Variants in RBM39 observed in about 807,000 individuals in gnomAD.
RBM39 encodes RNA binding motif protein 39, also known as RNA-binding protein 39.
In RBM39, 12 loss-of-function variants were observed where a neutral mutation model predicts 79.6. That is an observed-to-expected ratio of 0.15 (90% confidence interval 0.10 to 0.24). The LOEUF is 0.24. Among genes scored for constraint, RBM39 ranks in the 10% least tolerant of loss-of-function variants. RBM39 has a pLI of 1.00. For missense variants in RBM39, 243 were observed against 653.4 expected, an observed-to-expected ratio of 0.37 and a Z score of 6.85; for synonymous variants, 185 against 208.4, an observed-to-expected ratio of 0.89 and a Z score of 0.97.
In RBM39 at chr20:35,702,122, C is replaced by T. The variant is rs1250067037; in HGVS notation, c.*2359G>A. 2.0e-5 allele frequency: 3 copies of T among 152,200 alleles called. No individual in the cohort carries two copies. Among genetic ancestry groups the T allele is most frequent in the African/African-American group, 4.8e-5 (2 of 41,440 alleles). The allele number at this position is 152,200 out of a possible 1,614,324, so 9.4% of individuals were successfully genotyped here. ...TTGTCCATCTCACCTGCCCAGGCCA[C>T]GCAGACCCTGGAGTTACTAACCCGC... On this transcript the variant is annotated 3_prime_UTR_variant, in exon 17 of 17. Transcript: ENST00000253363.
At position 35,704,798 on chromosome 20, in the gene RBM39, C is replaced by G. The variant is rs752966346; in HGVS notation, c.1414-52G>C. ...AAGATGTTGCTGTATGCAAAATGGACCCAAGTTATGTTTATTCAAGTTGCC... is the reference window on the plus strand; with the variant it reads ...AAGATGTTGCTGTATGCAAAATGGAGCCAAGTTATGTTTATTCAAGTTGCC... On this transcript the variant is annotated intron_variant, in intron 15 of 16. Coordinates refer to ENST00000253363, the MANE Select transcript of RBM39 (RefSeq NM_184234.3). The G allele has an allele frequency of 2.0e-6, 3 of 1,515,558 alleles. No homozygotes were observed. In the African/African-American group the frequency reaches 4.1e-5, roughly 21 times the overall value. 93.9% of individuals were successfully genotyped at this position (1,515,558 alleles called of 1,614,324 possible). A position where few individuals can be genotyped will look rare whatever the true frequency, so the allele number is the denominator to read the frequency against.
intron 2 of RBM39, chr20:35,739,441 C>A (rs1251449793): frequency 2.1e-6 from 1 of 471,416 alleles, no homozygotes; most frequent in South Asian, 1.5e-5. Context: ...TAGCAGCCAG[C>A]CACTATCGAT....
In RBM39 at chr20:35,704,758, A is replaced by T. The variant is rs371520741; in HGVS notation, c.1414-12T>A. 36 of 1,609,320 alleles carry T rather than the reference A, an allele frequency of 2.2e-5. No individual in the cohort carries two copies. In the South Asian group the frequency reaches 2.3e-4, roughly 10 times the overall value. On this transcript the variant is annotated splice_polypyrimidine_tract_variant and intron_variant, in intron 15 of 16. Coordinates refer to ENST00000253363, the MANE Select transcript of RBM39 (RefSeq NM_184234.3). Reference sequence around the variant, plus strand: ...ACATACACATTGCCCTACAGAAAAAATGAAAAAAAAGGTAAAGATGTTGCT... The same window carrying T: ...ACATACACATTGCCCTACAGAAAAATTGAAAAAAAAGGTAAAGATGTTGCT...
rs765974114 is a variant in RBM39, at chr20:35,712,435, C to CAA, written c.1174+582_1174+583dup. Among the ~76,000 whole-genome samples the CAA allele has an allele frequency of 7.9e-3, 260 of 32,770 alleles. 1 individual carries two copies. The highest frequency in any genetic ancestry group is 0.014 in the African/African-American group (128 of 9,398). The allele number at this position is 32,770 out of a possible 152,430, so 21.5% of individuals were successfully genotyped here. On this transcript the variant is annotated intron_variant, in intron 12 of 16. Transcript: ENST00000253363. ...GCAACAGAGCAAGTCTACTGTTATC[C>CAA]AAAAAAAAAAAAAAAAAAAAAAAAG...
chr20:35,739,316 G>A, intron 2 of RBM39: 1 of 461,340 alleles, frequency 2.2e-6, no homozygotes, highest in South Asian at 1.8e-5. Context: ...TGTTGAAGTG[G>A]TTAAATATAA....
intron 9 of RBM39, among the ~76,000 whole-genome samples, chr20:35,720,322 C>A (rs925301654): frequency 1.2e-4 from 18 of 152,162 alleles, no homozygotes; most frequent in African/African-American, 4.3e-4. Context: ...GACCACAATG[C>A]CAGACACAAG....
intron 8 of RBM39, among the ~76,000 whole-genome samples, chr20:35,723,932 T>C (rs1353791440): frequency 1.3e-5 from 2 of 152,116 alleles, no homozygotes; most frequent in African/African-American, 4.8e-5. Flanking sequence ...ACCTAGCTAC[T>C]CAGGAGACTG....
intron 4 of RBM39, 107 bp from the exon 5 acceptor site, chr20:35,729,634 C>T: frequency 2.0e-6 from 2 of 1,000,674 alleles, no homozygotes; most frequent in Non-Finnish European, 3.0e-6. Flanking sequence ...ACTGCTTTTC[C>T]ACCTCAGTTA....
chr20:35,720,681 G>T (rs1413492837), intron 9 of RBM39, among the ~76,000 whole-genome samples: 1 of 152,060 alleles, frequency 6.6e-6, no homozygotes, highest in Admixed American at 6.6e-5. Context: ...TAAAGCAAGA[G>T]AATCGCTTGA....
chr20:35,719,845 T>G (rs1045363258), intron 9 of RBM39, among the ~76,000 whole-genome samples: 3 of 151,970 alleles, frequency 2.0e-5, no homozygotes, highest in Non-Finnish European at 4.4e-5. Context: ...TATCCAGGCG[T>G]GATCTCGGCT....
chr20:35,709,440 T>A, intron 12 of RBM39, 166 bp from the exon 13 acceptor site: 1 of 565,410 alleles, frequency 1.8e-6, no homozygotes, highest in South Asian at 2.5e-5. Flanking sequence ...TTTGGGGCCT[T>A]TTTTCCCCCT....
In RBM39 at chr20:35,703,994, T is replaced by C. The variant is rs993440921; in HGVS notation, c.*487A>G. The C allele has an allele frequency of 1.3e-5, 2 of 153,070 alleles. No individual in the cohort carries two copies. The highest frequency in any genetic ancestry group is 3.4e-3 in the Middle Eastern group (1 of 294). 9.5% of individuals were successfully genotyped at this position (153,070 alleles called of 1,614,324 possible). A position where few individuals can be genotyped will look rare whatever the true frequency, so the allele number is the denominator to read the frequency against. ...TTTTGAAATCTCCCTTTCTTGCCAA[T>C]TGATCAGAATGCAAGATGAGATGCT... On this transcript the variant is annotated 3_prime_UTR_variant, in exon 17 of 17. Coordinates refer to ENST00000253363, the MANE Select transcript of RBM39 (RefSeq NM_184234.3).
intron 4 of RBM39, among the ~76,000 whole-genome samples, chr20:35,730,604 C>T (rs749948094): frequency 7.2e-5 from 11 of 152,008 alleles, no homozygotes; most frequent in Non-Finnish European, 1.3e-4. Context: ...AGCCTCAAAC[C>T]CAACATTAAG....
intron 15 of RBM39, 76 bp downstream of exon 15, chr20:35,705,149 C>T (rs1282070301): frequency 3.5e-6 from 3 of 849,746 alleles, no homozygotes; most frequent in Non-Finnish European, 5.6e-6. Flanking sequence ...TTAACCATAA[C>T]ATGCACCACA....
At chr20:35,737,389 C>CA (rs58047560) in intron 3 of RBM39, among the ~76,000 whole-genome samples, 1,350 of 62,108 alleles carry the variant, frequency 0.022, 15 homozygotes, top group East Asian at 0.029. Context: ...AACTCCATCT[C>CA]AAAAAAAAAA....
At chr20:35,733,025 C>T (rs1271324914) in intron 3 of RBM39, among the ~76,000 whole-genome samples, 1 of 152,104 alleles carries the variant, frequency 6.6e-6, no homozygotes, top group Non-Finnish European at 1.5e-5. Flanking sequence ...TAATGCAGGC[C>T]AGTGCAGTGG....
intron 10 of RBM39, among the ~76,000 whole-genome samples, chr20:35,715,874 CT>C (rs1310894351): frequency 3.9e-5 from 5 of 129,434 alleles, no homozygotes; most frequent in African/African-American, 1.9e-4. Context: ...GGATGTCTTC[CT>C]CTCTCTTCCT....
In RBM39 at chr20:35,713,937, G is replaced by A. The variant is rs2036789991; in HGVS notation, c.1096+248C>T. 5 of 385,546 alleles carry A rather than the reference G, an allele frequency of 1.3e-5. No individual in the cohort carries two copies. The East Asian group carries it at 2.3e-4, about 18-fold the overall frequency. 23.9% of individuals were successfully genotyped at this position (385,546 alleles called of 1,614,324 possible). On this transcript the variant is annotated intron_variant, in intron 11 of 16. Coordinates refer to ENST00000253363, the MANE Select transcript of RBM39 (RefSeq NM_184234.3). ...TGCAACTAAATTTATTCCTAAGTATGACATATAAACACTACATAAAGGAAA... is the reference window on the plus strand; with the variant it reads ...TGCAACTAAATTTATTCCTAAGTATAACATATAAACACTACATAAAGGAAA...
rs1216968196 is a variant in RBM39 at position 35,740,825 on chromosome 20, T to C, written c.50A>G (p.Lys17Arg). 1 of 1,611,066 alleles carries C rather than the reference T, an allele frequency of 6.2e-7. No individual in the cohort carries two copies. Among genetic ancestry groups the C allele is most frequent in the African/African-American group, 1.3e-5 (1 of 74,872 alleles). Reference protein sequence around the residue: ...IEAMLEAPYKKDENKLSSANG... With the variant: ...IEAMLEAPYKRDENKLSSANG... ...CCTCACCGACATGTTTTTTCTCACC[T>C]TCTTGTAAGGAGCCTCAAGCATTGC... Residue 17 changes from lysine to arginine, a missense_variant and splice_region_variant, in exon 2 of 17, where the codon AAG (lysine) becomes AGG (arginine). Lys to Arg is a conservative substitution (Grantham distance 26). Coordinates refer to ENST00000253363, the MANE Select transcript of RBM39 (RefSeq NM_184234.3).
Sources: allele counts gnomAD v4.1 joint callset (sites outside exome capture counted in the v4.1 genomes callset), GRCh38; gene constraint gnomAD v4.1.1; transcripts MANE v1.5; gene names NCBI Gene and HGNC (gene_info 2026-07-23, HGNC 2026-07-21).